Variants in ALMS1 observed in about 807,000 individuals in gnomAD.
ALMS1 encodes the protein ALMS1 centrosome and basal body associated protein, also known as centrosome-associated protein ALMS1.
ALMS1 carries 271 observed loss-of-function variants against 352.2 expected under a neutral mutation model. The observed-to-expected ratio is 0.77, with a 90% CI of 0.70 to 0.85. The LOEUF (loss-of-function observed/expected upper bound fraction) is 0.85, where lower values mean the gene tolerates loss of function less well. Ranked by LOEUF, ALMS1 falls within the 40% of genes least tolerant of loss-of-function variation. The pLI is 0.00. For synonymous variants in ALMS1, 1,865 were observed against 1,761.2 expected, an observed-to-expected ratio of 1.06 and a Z score of -1.48; for missense variants, 5,445 against 4,870.7, an observed-to-expected ratio of 1.12 and a Z score of -3.51.
intron 14 of ALMS1, among the ~76,000 whole-genome samples, chr2:73,558,654 A>G (rs1017773458): frequency 9.9e-5 from 15 of 151,720 alleles, no homozygotes; most frequent in Non-Finnish European, 1.8e-4. Flanking sequence ...TTTTTTTTCC[A>G]TCTTAATGTG....
chr2:73,410,482 A>G (rs1572905756), intron 2 of ALMS1, among the ~76,000 whole-genome samples: 2 of 152,366 alleles, frequency 1.3e-5, no homozygotes, highest in Middle Eastern at 3.4e-3. Flanking sequence ...TTAACCAAGT[A>G]TCTGGACACT....
chr2:73,457,913 AT>A (rs1672104644), intron 9 of ALMS1: 1 of 151,646 alleles, frequency 6.6e-6, no homozygotes, highest in South Asian at 2.1e-4. Context: ...CATGCCTGTA[AT>A]CCTAGCTACT....
intron 18 of ALMS1, 41 bp from the exon 19 acceptor site, chr2:73,601,154 A>G (rs750965564): frequency 6.2e-6 from 10 of 1,613,428 alleles, no homozygotes; most frequent in African/African-American, 2.7e-5. Context: ...GCTGTAAAAA[A>G]GTGAAAAATC....
chr2:73,453,446 T>C lies in ALMS1; in HGVS notation c.6919T>C (p.Ser2307Pro). 1 of 1,613,270 alleles carries C rather than the reference T, an allele frequency of 6.2e-7. No homozygotes were observed. The highest frequency in any genetic ancestry group is 8.5e-7 in the Non-Finnish European group (1 of 1,179,542). Residue 2307 changes from serine (S) to proline (P), a missense_variant, in exon 8 of 23, where the codon TCT becomes CCT. Physicochemically the swap from Ser to Pro is moderately conservative, Grantham distance 74. Transcript: ENST00000613296. ...GAAGGTGGTTTGCTTCAAAGAACCCTCTTCCACGGGTGTATCTAATGGTGA... is the reference window on the plus strand; with the variant it reads ...GAAGGTGGTTTGCTTCAAAGAACCCCCTTCCACGGGTGTATCTAATGGTGA... ...SKKVVCFKEPSSTGVSNGDLL... is the reference protein window; with the variant it reads ...SKKVVCFKEPPSTGVSNGDLL...
intron 1 of ALMS1, among the ~76,000 whole-genome samples, chr2:73,402,043 TGTGTGTGA>T (rs903448589): frequency 1.4e-5 from 2 of 139,264 alleles, no homozygotes; most frequent in African/African-American, 5.8e-5. Flanking sequence ...TATGTGTGTG[TGTGTGTGA>T]GTGTGAGTGT....
intron 12 of ALMS1, among the ~76,000 whole-genome samples, chr2:73,549,521 C>A (rs1674386186): frequency 6.6e-6 from 1 of 152,150 alleles, no homozygotes; most frequent in South Asian, 2.1e-4. Context: ...ATTCTGCAAT[C>A]CAACCTGACC....
intron 10 of ALMS1, among the ~76,000 whole-genome samples, chr2:73,504,754 A>T (rs924913895): frequency 5.3e-5 from 8 of 151,896 alleles, no homozygotes; most frequent in African/African-American, 1.9e-4. Context: ...TTTATACTTT[A>T]AGTTTTGGAA....
At position 73,602,454 on chromosome 2, in the gene ALMS1, C is replaced by T. The variant is rs575822971; in HGVS notation, c.12298+86C>T. The T allele has an allele frequency of 2.4e-4, 364 of 1,520,446 alleles. 2 individuals are homozygous for T. In the African/African-American group the frequency reaches 4.3e-3, roughly 18 times the overall value. 94.2% of individuals were successfully genotyped at this position (1,520,446 alleles called of 1,614,324 possible). On this transcript the variant is annotated intron_variant, in intron 20 of 22. Transcript: ENST00000613296. ...GCTGCAGAGCCCTGCTAAAGGCCAG[C>T]CCAGGCCAGTTACCTGGGCAGACAG...
In ALMS1 at chr2:73,572,950, G is replaced by C; in HGVS notation, c.11073G>C (p.Glu3691Asp). 1 of 1,614,064 alleles carries C rather than the reference G, an allele frequency of 6.2e-7. No homozygotes were observed. The highest frequency in any genetic ancestry group is 2.2e-5 in the East Asian group (1 of 44,876). ...SLEKSHKNTG[E>D]LKKSKVLSHH... ...AGAAAAGCCATAAAAATACAGGCGA[G>C]CTTAAAAAAAGCAAGGTGCTTTCTC... The change falls in exon 16 of 23, where the codon GAG (glutamate) becomes GAC (aspartate). Residue 3691 changes from glutamate (E) to aspartate (D), a missense_variant. By Grantham distance (45) the Glu-to-Asp change is conservative. Transcript: ENST00000613296.
chr2:73,461,905 A>G (rs1158581357), intron 9 of ALMS1, among the ~76,000 whole-genome samples: 1 of 152,130 alleles, frequency 6.6e-6, no homozygotes, highest in East Asian at 1.9e-4. Context: ...AGTTTAGAGA[A>G]AAAAGAATAA....
At chr2:73,507,291 A>G (rs1268549173) in intron 10 of ALMS1, among the ~76,000 whole-genome samples, 1 of 152,234 alleles carries the variant, frequency 6.6e-6, no homozygotes, top group Non-Finnish European at 1.5e-5. Context: ...TGCTGGCCTC[A>G]TAAAATGAGT....
rs774084007 is a variant in ALMS1, at chr2:73,408,533, G to T, written c.325-89G>T. On this transcript the variant is annotated intron_variant, in intron 1 of 22. Coordinates refer to ENST00000613296, the MANE Select transcript of ALMS1 (RefSeq NM_001378454.1). Reference sequence around the variant, plus strand: ...ATATGTGAAAGGGCTTTATAAACTGGGAAGTATGGTCTAAATATTAGTTTA... The same window carrying T: ...ATATGTGAAAGGGCTTTATAAACTGTGAAGTATGGTCTAAATATTAGTTTA... 1.3e-5 allele frequency: 18 copies of T among 1,410,570 alleles called. 1 individual carries two copies. Among genetic ancestry groups the T allele is most frequent in the Non-Finnish European group, 1.7e-5 (17 of 1,021,780 alleles). The allele number at this position is 1,410,570 out of a possible 1,614,324, so 87.4% of individuals were successfully genotyped here. A position where few individuals can be genotyped will look rare whatever the true frequency, so the allele number is the denominator to read the frequency against.
At chr2:73,462,783 C>CA (rs1358517085) in intron 9 of ALMS1, 7 of 151,438 alleles carry the variant, frequency 4.6e-5, no homozygotes, top group Admixed American at 1.3e-4. Flanking sequence ...AAATGGAAAA[C>CA]AAAAAAAGGC....
intron 16 of ALMS1, among the ~76,000 whole-genome samples, chr2:73,590,034 G>GA (rs1334219432): frequency 4.0e-5 from 6 of 151,552 alleles, no homozygotes; most frequent in Non-Finnish European, 7.4e-5. Flanking sequence ...TATACCATGG[G>GA]AAGATAGGTG....
At chr2:73,594,717 A>G (rs977769822) in intron 16 of ALMS1, among the ~76,000 whole-genome samples, 15 of 152,238 alleles carry the variant, frequency 9.9e-5, no homozygotes, top group African/African-American at 3.6e-4. Flanking sequence ...CTCTGCTCCC[A>G]GAGCTGCTCT....
At chr2:73,466,558 G>A (rs1057138587) in intron 9 of ALMS1, among the ~76,000 whole-genome samples, 1 of 151,666 alleles carries the variant, frequency 6.6e-6, no homozygotes, top group African/African-American at 2.4e-5. Flanking sequence ...GAGTTAATGG[G>A]TGCAGCACAC....
At position 73,572,506 on chromosome 2, in the gene ALMS1, C is replaced by G. The variant is rs1674957515; in HGVS notation, c.10629C>G (p.Thr3543=). The part of the protein sequence containing the change: ...QNMDKTKTDY[T]RIKSLSINVN... ...TGGACAAGACTAAGACAGATTATACCAGAATAAAGAGCCTCAGCATCAATG... is the reference window on the plus strand; with the variant it reads ...TGGACAAGACTAAGACAGATTATACGAGAATAAAGAGCCTCAGCATCAATG... Residue 3543 remains threonine (T), a synonymous_variant, in exon 16 of 23, where the codon ACC becomes ACG. Transcript: ENST00000613296. 1.9e-6 allele frequency: 3 copies of G among 1,613,680 alleles called. No individual in the cohort carries two copies. Among genetic ancestry groups the G allele is most frequent in the Non-Finnish European group, 2.5e-6 (3 of 1,179,944 alleles).
chr2:73,391,601 G>A (rs999607883), intron 1 of ALMS1, among the ~76,000 whole-genome samples: 1 of 152,026 alleles, frequency 6.6e-6, no homozygotes, highest in African/African-American at 2.4e-5. Context: ...CCTTGTATAC[G>A]TTTTATTCTT....
chr2:73,552,523 C>G (rs973996545), intron 13 of ALMS1, among the ~76,000 whole-genome samples: 1 of 152,150 alleles, frequency 6.6e-6, no homozygotes, highest in African/African-American at 2.4e-5. Context: ...GCACAAAGAA[C>G]TCACCAGCTT....
Sources: gnomAD v4.1 joint callset for allele counts (sites outside exome capture counted in the v4.1 genomes callset) on GRCh38, gnomAD v4.1.1 for gene constraint, MANE v1.5 for transcripts, NCBI Gene and HGNC (gene_info 2026-07-23, HGNC 2026-07-21) for gene names.